The following PRDM15 variants were observed in gnomAD, a reference collection of about 807,000 sequenced individuals.
PRDM15 encodes PR/SET domain 15.
A neutral mutation model predicts 128.6 loss-of-function variants in PRDM15; 64 were observed. That is an observed-to-expected ratio of 0.50 (90% CI 0.41 to 0.61). The LOEUF (loss-of-function observed/expected upper bound fraction) is 0.61, where lower values mean the gene tolerates loss of function less well. PRDM15 is among the 20% of genes least tolerant of loss of function. PRDM15 has a pLI of 0.00. For missense variants in PRDM15, 1,242 were observed against 1,569.1 expected, an observed-to-expected ratio of 0.79 and a Z score of 3.52; for synonymous variants, 615 against 621.8, an observed-to-expected ratio of 0.99 and a Z score of 0.16.
rs1019175328 is a variant in PRDM15, at chr21:41,859,939, C to T, written c.38-254G>A. 5.6e-4 allele frequency among the ~76,000 whole-genome samples: 86 copies of T among 152,240 alleles called. No homozygotes were observed. The highest frequency in any genetic ancestry group is 2.0e-3 in the African/African-American group (83 of 41,548). The stretch of plus-strand genomic sequence containing the variant: ...ACGCCCCCAGGGAAAGCTCTAGCTC[C>T]GCCGCACGCCTCAAATCAAGCACGG... On this transcript the variant is annotated intron_variant, in intron 2 of 23. Coordinates refer to ENST00000398548, the MANE Select transcript of PRDM15 (RefSeq NM_001040424.3). This position sits in a 1 kb window ranked among gnomAD's most constrained non-coding sequence, Gnocchi z 5.3.
chr21:41,871,468 T>C, intron 1 of PRDM15: 1 of 1,552,260 alleles, frequency 6.4e-7, no homozygotes, highest in Non-Finnish European at 8.8e-7. Context: ...GCCCATATCC[T>C]TCCTCCCCTA....
Position 41,878,830 on chromosome 21 carries a change from CGCGGGGCCGCGGGCCGGGGCG to C in PRDM15, c.-10+419_-10+439del, listed in dbSNP as rs758516549. 5 of 987,822 alleles carry C rather than the reference CGCGGGGCCGCGGGCCGGGGCG, an allele frequency of 5.1e-6. No individual in the cohort carries two copies. In the African/African-American group the frequency reaches 2.0e-4, roughly 40 times the overall value. 61.2% of individuals were successfully genotyped at this position (987,822 alleles called of 1,614,324 possible). On this transcript the variant is annotated intron_variant, in intron 1 of 23. Coordinates refer to ENST00000398548, the MANE Select transcript of PRDM15 (RefSeq NM_001040424.3). ...GACGACGCCGCCCGGCGGCGGGGGC[CGCGGGGCCGCGGGCCGGGGCG>C]GCGAAGACCCTGCGCCGCGCCCACG...
intron 11 of PRDM15, among the ~76,000 whole-genome samples, chr21:41,830,470 C>T (rs1294208922): frequency 2.0e-5 from 3 of 151,160 alleles, no homozygotes; most frequent in African/African-American, 7.3e-5. Context: ...ACACATACAC[C>T]ACACACACAC....
chr21:41,868,114 G>A (rs938720476), intron 1 of PRDM15, among the ~76,000 whole-genome samples: 2 of 151,720 alleles, frequency 1.3e-5, no homozygotes, highest in African/African-American at 4.8e-5. Context: ...TTTTCTAACT[G>A]AAATAATGCC....
chr21:41,808,540 A>C (rs1165076431), intron 21 of PRDM15, among the ~76,000 whole-genome samples: 1 of 152,256 alleles, frequency 6.6e-6, no homozygotes, highest in Admixed American at 6.5e-5. Flanking sequence ...TTCCAAAAGG[A>C]AGTCACTTTC....
intron 1 of PRDM15, among the ~76,000 whole-genome samples, chr21:41,877,958 G>C (rs2064480990): frequency 6.6e-6 from 1 of 152,258 alleles, no homozygotes; most frequent in Non-Finnish European, 1.5e-5. Flanking sequence ...GCGATGTCAG[G>C]AAATCTGGGG....
chr21:41,839,570 G>A (rs1361937254), intron 7 of PRDM15, 53 bp downstream of exon 7: 28 of 1,506,600 alleles, frequency 1.9e-5, no homozygotes, highest in East Asian at 4.5e-5. Context: ...GCCCTCGGGC[G>A]CCAGGAGGGC....
At position 41,811,067 on chromosome 21, in the gene PRDM15, G is replaced by A. The variant is rs187892846; in HGVS notation, c.2393-231C>T. ...TCATATCAAAAAAACATGAGATGTG[G>A]GAAAGGCTGTCTGAAAACACAGACA... On this transcript the variant is annotated intron_variant, in intron 19 of 23. Transcript: ENST00000398548. The surrounding 1 kb of genome is among the most constrained non-coding windows in gnomAD (Gnocchi z 4.1). 2.9e-4 allele frequency: 149 copies of A among 513,736 alleles called. No individual in the cohort carries two copies. The highest frequency in any genetic ancestry group is 4.4e-4 in the Non-Finnish European group (126 of 284,070). 31.8% of individuals were successfully genotyped at this position (513,736 alleles called of 1,614,324 possible).
Position 41,865,528 on chromosome 21 carries a change from C to T in PRDM15, c.-9-5156G>A, listed in dbSNP as rs903943106. On this transcript the variant is annotated intron_variant, in intron 1 of 23. Coordinates refer to ENST00000398548, the MANE Select transcript of PRDM15 (RefSeq NM_001040424.3). ...CCCCTAACACACCCCAGGCTGTGGACGCGAGGTCCACCCCAGGCACAGCCA... is the reference window on the plus strand; with the variant it reads ...CCCCTAACACACCCCAGGCTGTGGATGCGAGGTCCACCCCAGGCACAGCCA... 5.9e-5 allele frequency among the ~76,000 whole-genome samples: 9 copies of T among 152,266 alleles called. No homozygotes were observed. The East Asian group carries it at 1.7e-3, about 29-fold the overall frequency.
chr21:41,867,929 C>T lies in PRDM15; in HGVS notation c.-9-7557G>A, dbSNP rs115967525. ...AAAATTAGCCAGGTGTGGTGGTGGG[C>T]GCCTGTAATCCCAGCTACTTGGGAG... On this transcript the variant is annotated intron_variant, in intron 1 of 23. Transcript: ENST00000398548. 1.9e-3 allele frequency among the ~76,000 whole-genome samples: 281 copies of T among 151,732 alleles called. 1 individual carries two copies. Among genetic ancestry groups the T allele is most frequent in the African/African-American group, 6.5e-3 (268 of 41,354 alleles).
Position 41,854,910 on chromosome 21 carries a change from T to C in PRDM15, c.286-92A>G. 1.4e-6 allele frequency: 2 copies of C among 1,427,894 alleles called. No homozygotes were observed. Among genetic ancestry groups the C allele is most frequent in the Non-Finnish European group, 1.9e-6 (2 of 1,061,278 alleles). 88.5% of individuals were successfully genotyped at this position (1,427,894 alleles called of 1,614,324 possible). A position where few individuals can be genotyped will look rare whatever the true frequency, so the allele number is the denominator to read the frequency against. On this transcript the variant is annotated intron_variant, in intron 4 of 23. Coordinates refer to ENST00000398548, the MANE Select transcript of PRDM15 (RefSeq NM_001040424.3). This position sits in a 1 kb window ranked among gnomAD's most constrained non-coding sequence, Gnocchi z 4.6. ...TGGGGGGCAGGTGCTGAGGAACCCATCTAGACAGTGCCACGTCAGAGGCCA... is the reference window on the plus strand; with the variant it reads ...TGGGGGGCAGGTGCTGAGGAACCCACCTAGACAGTGCCACGTCAGAGGCCA...
chr21:41,831,821 T>C (rs2187308), intron 11 of PRDM15, among the ~76,000 whole-genome samples: 5,611 of 152,202 alleles, frequency 0.037, 167 homozygotes, highest in African/African-American at 0.084. Flanking sequence ...GTGCGAGGCT[T>C]CTCTGCCCAC....
At chr21:41,871,465 T>C (rs370149049) in intron 1 of PRDM15, 1 of 1,547,624 alleles carries the variant, frequency 6.5e-7, no homozygotes, top group Non-Finnish European at 8.8e-7. Flanking sequence ...TGGGCCCATA[T>C]CCTTCCTCCC....
chr21:41,806,105 TCACCACCACCAC>T (rs1568880598), intron 21 of PRDM15, among the ~76,000 whole-genome samples: 1 of 5,384 alleles, frequency 1.9e-4, no homozygotes, highest in Non-Finnish European at 3.1e-4. Flanking sequence ...ACCACCACCA[TCACCACCACCAC>T]CACCACCATC....
At chr21:41,876,411 A>G (rs532301404) in intron 1 of PRDM15, among the ~76,000 whole-genome samples, 10 of 152,270 alleles carry the variant, frequency 6.6e-5, no homozygotes, top group Non-Finnish European at 1.0e-4. Flanking sequence ...GAGTCCCCCA[A>G]TGCCACATCC....
At chr21:41,865,651 C>T (rs2063983177) in intron 1 of PRDM15, among the ~76,000 whole-genome samples, 1 of 152,188 alleles carries the variant, frequency 6.6e-6, no homozygotes, top group African/African-American at 2.4e-5. Context: ...ACTCTCACAT[C>T]CTCTGTGATC....
At chr21:41,867,513 A>G in intron 1 of PRDM15, 1 of 600,108 alleles carries the variant, frequency 1.7e-6, no homozygotes, top group Non-Finnish European at 2.9e-6. Context: ...GCGTGAACAT[A>G]GCGCACTACA....
At position 41,828,446 on chromosome 21, in the gene PRDM15, C is replaced by T. The variant is rs911931008; in HGVS notation, c.1367-113G>A. On this transcript the variant is annotated intron_variant, in intron 11 of 23. Transcript: ENST00000398548. This position sits in a 1 kb window ranked among gnomAD's most constrained non-coding sequence, Gnocchi z 5.7. ...GCGCGGGTGACGGGCATGAGAGTCACGGGGATGCGTGGCCAGGAAGAAAAC... is the reference window on the plus strand; with the variant it reads ...GCGCGGGTGACGGGCATGAGAGTCATGGGGATGCGTGGCCAGGAAGAAAAC... 1.1e-4 allele frequency: 115 copies of T among 1,069,782 alleles called. No individual in the cohort carries two copies. Among genetic ancestry groups the T allele is most frequent in the Non-Finnish European group, 1.5e-4 (104 of 709,112 alleles). The allele number at this position is 1,069,782 out of a possible 1,614,324, so 66.3% of individuals were successfully genotyped here. A position where few individuals can be genotyped will look rare whatever the true frequency, so the allele number is the denominator to read the frequency against.
At chr21:41,834,782 C>T (rs555593380) in intron 11 of PRDM15, among the ~76,000 whole-genome samples, 1 of 152,352 alleles carries the variant, frequency 6.6e-6, no homozygotes, top group South Asian at 2.1e-4. Flanking sequence ...TTCCTTTGGT[C>T]TGTTTACTTG....
Sources: allele counts gnomAD v4.1 joint callset (sites outside exome capture counted in the v4.1 genomes callset), GRCh38; gene constraint gnomAD v4.1.1; non-coding constraint Gnocchi (gnomAD v3.1); transcripts MANE v1.5; gene names NCBI Gene and HGNC (gene_info 2026-07-23, HGNC 2026-07-21).